Variants in TACR1 observed in about 807,000 individuals in gnomAD.
TACR1 encodes the protein substance-P receptor.
In TACR1, 25 loss-of-function variants were observed where a neutral mutation model predicts 35.8. The ratio of observed to expected loss-of-function variants is 0.70; its 90% CI spans 0.51 to 0.98. The LOEUF is 0.98. Among genes scored for constraint, TACR1 ranks in the 50% least tolerant of loss-of-function variants. The pLI, the probability that TACR1 is intolerant of heterozygous loss-of-function variation, is 0.00. For missense variants in TACR1, 478 were observed against 522.9 expected, an observed-to-expected ratio of 0.91 and a Z score of 0.84; for synonymous variants, 195 against 206.7, an observed-to-expected ratio of 0.94 and a Z score of 0.48.
At chr2:75,145,952 T>C (rs1357853397) in intron 1 of TACR1, among the ~76,000 whole-genome samples, 2 of 152,062 alleles carry the variant, frequency 1.3e-5, no homozygotes, top group Admixed American at 6.6e-5. Context: ...GTTGGAGCCA[T>C]AAGATCTCCC....
chr2:75,084,120 A>G (rs950254955), intron 2 of TACR1, among the ~76,000 whole-genome samples: 23 of 152,186 alleles, frequency 1.5e-4, no homozygotes, highest in African/African-American at 5.6e-4. Flanking sequence ...TAATTTATTG[A>G]GAGTTTTTAG....
chr2:75,129,304 G>T (rs1293343090), intron 1 of TACR1, among the ~76,000 whole-genome samples: 1 of 152,184 alleles, frequency 6.6e-6, no homozygotes, highest in East Asian at 1.9e-4. Context: ...AGCTAGTTAG[G>T]AAAATGTAGT....
intron 1 of TACR1, among the ~76,000 whole-genome samples, chr2:75,179,690 G>T (rs1173113315): frequency 6.6e-6 from 1 of 152,194 alleles, no homozygotes; most frequent in East Asian, 1.9e-4. Context: ...ACTGGGACAG[G>T]TTAAACCTCC....
intron 1 of TACR1, among the ~76,000 whole-genome samples, chr2:75,164,097 G>T (rs1675078922): frequency 1.3e-5 from 2 of 152,136 alleles, no homozygotes; most frequent in Admixed American, 1.3e-4. Context: ...GGAGGCCGAG[G>T]CGGATGGTTC....
At chr2:75,125,006 G>T (rs1674046014) in intron 1 of TACR1, among the ~76,000 whole-genome samples, 1 of 152,140 alleles carries the variant, frequency 6.6e-6, no homozygotes, top group Non-Finnish European at 1.5e-5. Flanking sequence ...AATCTGGGAT[G>T]TTTTTCCTCC....
intron 2 of TACR1, among the ~76,000 whole-genome samples, chr2:75,063,538 A>G (rs960190708): frequency 6.6e-6 from 1 of 152,174 alleles, no homozygotes; most frequent in African/African-American, 2.4e-5. Flanking sequence ...TCCCAGGACC[A>G]CTTATTGGAT....
At chr2:75,185,058 G>C (rs560353133) in intron 1 of TACR1, among the ~76,000 whole-genome samples, 1 of 151,936 alleles carries the variant, frequency 6.6e-6, no homozygotes, top group Non-Finnish European at 1.5e-5. Context: ...TACGATTAAA[G>C]AAATAGTCAA....
At chr2:75,066,009 A>G (rs1049233458) in intron 2 of TACR1, among the ~76,000 whole-genome samples, 4 of 152,204 alleles carry the variant, frequency 2.6e-5, no homozygotes, top group Admixed American at 6.5e-5. Context: ...TCTCAACAAG[A>G]CAAATCTTAA....
intron 1 of TACR1, among the ~76,000 whole-genome samples, chr2:75,142,550 C>T (rs550293454): frequency 6.6e-6 from 1 of 152,276 alleles, no homozygotes; most frequent in Admixed American, 6.5e-5. Context: ...TTCAGTTATT[C>T]ATGCGTTTAT....
chr2:75,156,310 T>C (rs1400640318), intron 1 of TACR1: 1 of 151,840 alleles, frequency 6.6e-6, no homozygotes, highest in Non-Finnish European at 1.5e-5. Context: ...AAGCTGGAAA[T>C]GGCAGGTAAG....
intron 1 of TACR1, among the ~76,000 whole-genome samples, chr2:75,180,441 G>C (rs1558583718): frequency 6.6e-6 from 1 of 152,154 alleles, no homozygotes; most frequent in Non-Finnish European, 1.5e-5. Flanking sequence ...GTAGAATATA[G>C]CTCCCCTACA....
chr2:75,130,797 A>G (rs909287877), intron 1 of TACR1, among the ~76,000 whole-genome samples: 1 of 152,236 alleles, frequency 6.6e-6, no homozygotes, highest in Non-Finnish European at 1.5e-5. Flanking sequence ...TTATTTTAAG[A>G]CAACCGTGCT....
chr2:75,145,502 C>A (rs1313147296), intron 1 of TACR1, among the ~76,000 whole-genome samples: 1 of 152,150 alleles, frequency 6.6e-6, no homozygotes, highest in Non-Finnish European at 1.5e-5. Flanking sequence ...AAAAACAAGA[C>A]AAATTCAATT....
At chr2:75,153,401 T>TG (rs66504741) in intron 1 of TACR1, among the ~76,000 whole-genome samples, 82,988 of 151,990 alleles carry the variant, frequency 0.55, 22,962 homozygotes, top group Middle Eastern at 0.68. Flanking sequence ...GACACCTAAG[T>TG]GGGTGACTGA....
At chr2:75,194,525 A>G (rs1260265388) in intron 1 of TACR1, among the ~76,000 whole-genome samples, 1 of 152,248 alleles carries the variant, frequency 6.6e-6, no homozygotes, top group Non-Finnish European at 1.5e-5. Flanking sequence ...CAGGTCTAAT[A>G]GAGACCTGGA....
intron 1 of TACR1, among the ~76,000 whole-genome samples, chr2:75,190,324 A>G (rs1675811417): frequency 6.6e-6 from 1 of 152,232 alleles, no homozygotes; most frequent in Non-Finnish European, 1.5e-5. Context: ...CTGGACCATG[A>G]TATACAATAT....
In TACR1 at chr2:75,071,523, G is replaced by A. The variant is rs141018158; in HGVS notation, c.585-17768C>T. ...GATGCCTTGTGCAGTTCTTCATTTCGTGCACATTAGCTTTACTTCCAAGTG... is the reference window on the plus strand; with the variant it reads ...GATGCCTTGTGCAGTTCTTCATTTCATGCACATTAGCTTTACTTCCAAGTG... On this transcript the variant is annotated intron_variant, in intron 2 of 4. Transcript: ENST00000305249. Among the ~76,000 whole-genome samples, 14 of 152,082 alleles carry A rather than the reference G, an allele frequency of 9.2e-5. No homozygotes were observed. The East Asian group carries it at 1.7e-3, about 19-fold the overall frequency.
intron 1 of TACR1, among the ~76,000 whole-genome samples, chr2:75,165,454 A>G (rs1473049447): frequency 6.6e-6 from 1 of 151,944 alleles, no homozygotes; most frequent in Non-Finnish European, 1.5e-5. Context: ...GACTACAGGC[A>G]ACCGCCACCA....
intron 1 of TACR1, among the ~76,000 whole-genome samples, chr2:75,179,246 C>T (rs1456600075): frequency 6.6e-6 from 1 of 152,170 alleles, no homozygotes; most frequent in African/African-American, 2.4e-5. Context: ...TTCTATTTCA[C>T]ATATATCCCA....
Sources: allele counts gnomAD v4.1 joint callset (sites outside exome capture counted in the v4.1 genomes callset), GRCh38; gene constraint gnomAD v4.1.1; transcripts MANE v1.5; gene names NCBI Gene and HGNC (gene_info 2026-07-23, HGNC 2026-07-21).